Variants in GRAMD1B observed in about 807,000 individuals in gnomAD.
GRAMD1B encodes protein Aster-B.
In GRAMD1B, 37 loss-of-function variants were observed where a neutral mutation model predicts 99.7. The ratio of observed to expected loss-of-function variants is 0.37; its 90% CI spans 0.29 to 0.49. GRAMD1B has a LOEUF of 0.49. GRAMD1B is among the 20% of genes least tolerant of loss of function. The pLI, the probability that GRAMD1B is intolerant of heterozygous loss-of-function variation, is 0.98. For missense variants in GRAMD1B, 888 were observed against 1,009.2 expected (o/e 0.88, Z 1.63); for synonymous variants, 427 against 387.6 (o/e 1.10, Z -1.19).
intron 2 of GRAMD1B, among the ~76,000 whole-genome samples, chr11:123,487,885 A>G (rs553359748): frequency 1.8e-3 from 279 of 152,246 alleles, no homozygotes; most frequent in Non-Finnish European, 3.5e-3. Context: ...GGGATTACAG[A>G]CGTGAGCCAC....
intron 1 of GRAMD1B, among the ~76,000 whole-genome samples, chr11:123,413,768 C>T (rs552925890): frequency 2.0e-5 from 3 of 152,132 alleles, no homozygotes; most frequent in East Asian, 1.9e-4. Context: ...AGCAAGCTCC[C>T]GATGGGAGGC....
rs529389490 is a variant in GRAMD1B at position 123,463,500 on chromosome 11, A to C, written c.375-17316A>C. On this transcript the variant is annotated intron_variant, in intron 1 of 19. Transcript: ENST00000635736. ...GCAGTATCTTGAATGAATTGAAAAA[A>C]GCAGCCAGAGTTTGCACTAAAGGAG... 2.6e-5 allele frequency among the ~76,000 whole-genome samples: 4 copies of C among 152,364 alleles called. No individual in the cohort carries two copies. In the South Asian group the frequency reaches 8.3e-4, roughly 32 times the overall value.
intron 1 of GRAMD1B, among the ~76,000 whole-genome samples, chr11:123,411,150 G>A (rs1315119168): frequency 6.6e-6 from 1 of 151,782 alleles, no homozygotes; most frequent in Non-Finnish European, 1.5e-5. Context: ...GACTATAGGC[G>A]CCCGCCACCA....
chr11:123,578,942 G>T (rs576403388), intron 3 of GRAMD1B, among the ~76,000 whole-genome samples: 163 of 152,280 alleles, frequency 1.1e-3, no homozygotes, highest in African/African-American at 3.7e-3. Flanking sequence ...CAGGAGCTCT[G>T]CCTGCGTACT....
chr11:123,383,821 T>C (rs1946968250), intron 1 of GRAMD1B, among the ~76,000 whole-genome samples: 2 of 151,694 alleles, frequency 1.3e-5, no homozygotes, highest in African/African-American at 4.8e-5. Flanking sequence ...TATATATTTC[T>C]TTCTATTTGT....
intron 2 of GRAMD1B, among the ~76,000 whole-genome samples, chr11:123,567,284 T>G (rs1347212999): frequency 1.3e-5 from 2 of 152,216 alleles, no homozygotes; most frequent in Non-Finnish European, 2.9e-5. Flanking sequence ...AGAAGTTGGA[T>G]AGCTGGTCAT....
chr11:123,542,839 A>C (rs1944673449), intron 2 of GRAMD1B, among the ~76,000 whole-genome samples: 2 of 152,098 alleles, frequency 1.3e-5, no homozygotes, highest in South Asian at 4.1e-4. Context: ...TTTCCAGTAA[A>C]GACGGGGTTT....
At chr11:123,411,519 G>T (rs1948051329) in intron 1 of GRAMD1B, among the ~76,000 whole-genome samples, 1 of 152,112 alleles carries the variant, frequency 6.6e-6, no homozygotes, top group Non-Finnish European at 1.5e-5. Context: ...TATTATTTAG[G>T]TTTGATGTAG....
intron 1 of GRAMD1B, among the ~76,000 whole-genome samples, chr11:123,405,069 A>ATG (rs559227391): frequency 2.6e-5 from 4 of 152,182 alleles, no homozygotes; most frequent in Non-Finnish European, 5.9e-5. Context: ...CATATTAACT[A>ATG]TGTTAGCAAG....
intron 2 of GRAMD1B, among the ~76,000 whole-genome samples, chr11:123,494,160 C>T (rs953604118): frequency 2.0e-5 from 3 of 152,196 alleles, no homozygotes; most frequent in Non-Finnish European, 4.4e-5. Flanking sequence ...TAACTACTTA[C>T]TAAATGAGTA....
chr11:123,466,759 A>G (rs932062197), intron 1 of GRAMD1B, among the ~76,000 whole-genome samples: 2 of 152,192 alleles, frequency 1.3e-5, no homozygotes, highest in African/African-American at 4.8e-5. Context: ...ACAAACTTCA[A>G]GTTCTGGGAA....
chr11:123,531,214 G>A (rs778279141), intron 2 of GRAMD1B, among the ~76,000 whole-genome samples: 4 of 152,096 alleles, frequency 2.6e-5, no homozygotes, highest in African/African-American at 7.2e-5. Context: ...CCCGTGGTTC[G>A]GTAAGTCCAG....
rs1955300235 is a variant in GRAMD1B at position 123,622,951 on chromosome 11, C to G, written c.*356C>G. ...AGCCAAAGTTATGCCTGCGAAGACC[C>G]TAAGGTCTCAAAAAGAAGTCTTAAG... On this transcript the variant is annotated 3_prime_UTR_variant, in exon 20 of 20. Transcript: ENST00000635736. 6.6e-6 allele frequency: 1 copy of G among 152,562 alleles called. No individual in the cohort carries two copies. Among genetic ancestry groups the G allele is most frequent in the South Asian group, 2.1e-4 (1 of 4,832 alleles). 9.5% of individuals were successfully genotyped at this position (152,562 alleles called of 1,614,324 possible). A position where few individuals can be genotyped will look rare whatever the true frequency, so the allele number is the denominator to read the frequency against.
At chr11:123,525,413 G>T (rs1055366270) in intron 2 of GRAMD1B, among the ~76,000 whole-genome samples, 1 of 152,132 alleles carries the variant, frequency 6.6e-6, no homozygotes, top group Non-Finnish European at 1.5e-5. Flanking sequence ...TAGGGTCCAG[G>T]TTCCCCTCCC....
At chr11:123,449,666 C>T (rs1477616613) in intron 1 of GRAMD1B, among the ~76,000 whole-genome samples, 1 of 148,408 alleles carries the variant, frequency 6.7e-6, no homozygotes, top group African/African-American at 2.5e-5. Context: ...CCTTGACATC[C>T]TGATCTCTTG....
chr11:123,433,163 G>A (rs1003295654), intron 1 of GRAMD1B, among the ~76,000 whole-genome samples: 8 of 152,098 alleles, frequency 5.3e-5, no homozygotes, highest in African/African-American at 1.7e-4. Flanking sequence ...GGTCACCTGA[G>A]GTCAGGAGTT....
intron 1 of GRAMD1B, among the ~76,000 whole-genome samples, chr11:123,375,944 T>C (rs958348690): frequency 6.8e-6 from 1 of 146,484 alleles, no homozygotes; most frequent in African/African-American, 2.6e-5. Flanking sequence ...AAAAGGTAGA[T>C]TTTTTTTTTT....
At position 123,627,564 on chromosome 11, in the gene GRAMD1B, G is replaced by C. The variant is rs897493554; in HGVS notation, c.*4969G>C. 1 of 152,328 alleles carries C rather than the reference G, an allele frequency of 6.6e-6. No homozygotes were observed. Among genetic ancestry groups the C allele is most frequent in the Non-Finnish European group, 1.5e-5 (1 of 68,104 alleles). 9.4% of individuals were successfully genotyped at this position (152,328 alleles called of 1,614,324 possible). On this transcript the variant is annotated 3_prime_UTR_variant, in exon 20 of 20. Transcript: ENST00000635736. ...CCTGCACTGGGCCATCTATGGGAAA[G>C]AACACGGGTCGAGTGCAGTCGAGTT...
intron 1 of GRAMD1B, among the ~76,000 whole-genome samples, chr11:123,417,263 C>T (rs765936198): frequency 3.9e-5 from 6 of 152,144 alleles, no homozygotes; most frequent in Non-Finnish European, 8.8e-5. Context: ...ATCCCAGCTA[C>T]TCAGGGGACT....
Sources: allele counts gnomAD v4.1 joint callset (sites outside exome capture counted in the v4.1 genomes callset), GRCh38; gene constraint gnomAD v4.1.1; transcripts MANE v1.5; gene names NCBI Gene and HGNC (gene_info 2026-07-23, HGNC 2026-07-21).